The following ZFHX3 variants were observed in gnomAD, a reference collection of about 807,000 sequenced individuals.
The protein encoded by ZFHX3 is zinc finger homeobox protein 3.
ZFHX3 carries 42 observed loss-of-function variants against 279.1 expected under a neutral mutation model. The observed-to-expected ratio is 0.15, with a 90% confidence interval of 0.12 to 0.19. The LOEUF (loss-of-function observed/expected upper bound fraction) is 0.19. Ranked by LOEUF, ZFHX3 falls within the 10% of genes least tolerant of loss-of-function variation. The pLI, the probability that ZFHX3 is intolerant of heterozygous loss-of-function variation, is 1.00. For synonymous variants in ZFHX3, 2,293 were observed against 1,957.8 expected, an observed-to-expected ratio of 1.17 and a Z score of -4.52; for missense variants, 4,981 against 4,754.0, an observed-to-expected ratio of 1.05 and a Z score of -1.40.
chr16:73,176,473 T>C (rs1391584255), intron 5 of ZFHX3, among the ~76,000 whole-genome samples: 12 of 152,168 alleles, frequency 7.9e-5, no homozygotes, highest in Admixed American at 7.2e-4. Flanking sequence ...CTGAGTAACA[T>C]GAGCTAAGGA....
chr16:73,631,142 G>A (rs2052464794), intron 2 of ZFHX3, among the ~76,000 whole-genome samples: 1 of 152,188 alleles, frequency 6.6e-6, no homozygotes, highest in African/African-American at 2.4e-5. Flanking sequence ...GAAACTTGAA[G>A]TACGCTGTTA....
intron 5 of ZFHX3, among the ~76,000 whole-genome samples, chr16:73,251,801 C>G (rs923187421): frequency 7.2e-6 from 1 of 139,740 alleles, no homozygotes; most frequent in Admixed American, 7.3e-5. Context: ...CATGCACACA[C>G]GCACACACCA....
At chr16:72,813,746 T>C (rs1229229765) in intron 5 of ZFHX3, among the ~76,000 whole-genome samples, 1 of 152,212 alleles carries the variant, frequency 6.6e-6, no homozygotes, top group Non-Finnish European at 1.5e-5. Flanking sequence ...AGGTAATACA[T>C]GACGGCTGGA....
intron 3 of ZFHX3, among the ~76,000 whole-genome samples, chr16:73,383,106 C>G (rs1185460675): frequency 2.0e-5 from 3 of 152,228 alleles, no homozygotes; most frequent in African/African-American, 7.2e-5. Context: ...GAGGGGGTTG[C>G]ACTGAATAAT....
At position 73,199,959 on chromosome 16, in the gene ZFHX3, A is replaced by C. The variant is rs527925642; in HGVS notation, c.-1103-56128T>G. ...GAAAGCTGGTAACATTGGATTTATTATGATCTTTTAAAAAATTAATCACCA... is the reference window on the plus strand; with the variant it reads ...GAAAGCTGGTAACATTGGATTTATTCTGATCTTTTAAAAAATTAATCACCA... On this transcript the variant is annotated intron_variant, in intron 5 of 17. Coordinates refer to the ZFHX3 transcript ENST00000641206. 2.6e-5 allele frequency among the ~76,000 whole-genome samples: 4 copies of C among 152,368 alleles called. No individual in the cohort carries two copies. In the South Asian group the frequency reaches 8.3e-4, roughly 32 times the overall value.
intron 5 of ZFHX3, among the ~76,000 whole-genome samples, chr16:73,246,213 C>G (rs564908608): frequency 6.6e-6 from 1 of 151,998 alleles, no homozygotes; most frequent in Non-Finnish European, 1.5e-5. Flanking sequence ...AGGAGAGAGC[C>G]GAGGCATTAT....
At chr16:73,764,761 C>T (rs531812423) in intron 1 of ZFHX3, among the ~76,000 whole-genome samples, 3 of 152,302 alleles carry the variant, frequency 2.0e-5, no homozygotes, top group East Asian at 1.9e-4. Flanking sequence ...AATACTGCCA[C>T]GTAGACACAA....
chr16:72,950,626 T>A lies in ZFHX3; in HGVS notation c.3059A>T (p.Glu1020Val). 1 of 1,614,204 alleles carries A rather than the reference T, an allele frequency of 6.2e-7. No individual in the cohort carries two copies. Among genetic ancestry groups the A allele is most frequent in the East Asian group, 2.2e-5 (1 of 44,882 alleles). ...CCTCCACTCGTTGGCCTTGCCGCCC[T>A]CCTTGATGTGGGCCACCAGCTGGTA... ...QKYQLVAHIK[E>V]GGKANEWRLK... Residue 1020 changes from glutamate to valine, a missense_variant, in exon 3 of 10, where the codon GAG becomes GTG. Around this residue, in one of 7 missense-constraint regions of ZFHX3, gnomAD observed 1,751 missense variants for 1,770.0 expected, o/e 0.99. Coordinates refer to ENST00000268489, the MANE Select transcript of ZFHX3 (RefSeq NM_006885.4).
chr16:72,786,821 A>G lies in ZFHX3; in HGVS notation c.*343T>C, dbSNP rs953296737. The G allele has an allele frequency of 3.2e-5, 5 of 157,538 alleles. No individual in the cohort carries two copies. The highest frequency in any genetic ancestry group is 1.2e-4 in the African/African-American group (5 of 41,608). The allele number at this position is 157,538 out of a possible 1,614,324, so 9.8% of individuals were successfully genotyped here. On this transcript the variant is annotated 3_prime_UTR_variant, in exon 10 of 10. Coordinates refer to ENST00000268489, the MANE Select transcript of ZFHX3 (RefSeq NM_006885.4). ...CTATCAGCGTGGGGCGTTTATTGAAAAGGGGCAAATATACAAGGGGTTTAA... is the reference window on the plus strand; with the variant it reads ...CTATCAGCGTGGGGCGTTTATTGAAGAGGGGCAAATATACAAGGGGTTTAA...
intron 5 of ZFHX3, among the ~76,000 whole-genome samples, chr16:73,198,096 A>C (rs111605291): frequency 0.089 from 13,458 of 151,358 alleles, 1,906 homozygotes; most frequent in African/African-American, 0.3. Context: ...TGCTGCCATG[A>C]CCGGCTAATT....
intron 8 of ZFHX3, among the ~76,000 whole-genome samples, chr16:73,085,650 C>T (rs1415341423): frequency 2.6e-5 from 4 of 152,118 alleles, no homozygotes; most frequent in Non-Finnish European, 5.9e-5. Flanking sequence ...TAAAGCTAGA[C>T]CCCTATCTTT....
intron 3 of ZFHX3, among the ~76,000 whole-genome samples, chr16:73,435,987 C>T (rs554409862): frequency 7.9e-5 from 12 of 152,290 alleles, no homozygotes; most frequent in African/African-American, 1.9e-4. Context: ...TGTTTTAGTC[C>T]GTTTTCTCAC....
intron 5 of ZFHX3, among the ~76,000 whole-genome samples, chr16:73,168,214 T>C (rs1319496358): frequency 2.2e-5 from 2 of 92,052 alleles, no homozygotes; most frequent in African/African-American, 4.6e-5. Flanking sequence ...TCTTTTGTTT[T>C]CTTTCTTTCT....
intron 3 of ZFHX3, among the ~76,000 whole-genome samples, chr16:73,322,375 G>T (rs2015592957): frequency 6.6e-6 from 1 of 151,990 alleles, no homozygotes; most frequent in Non-Finnish European, 1.5e-5. Flanking sequence ...TGCCATAACA[G>T]AATAATAAGG....
At chr16:73,484,669 A>G (rs2018941953) in intron 2 of ZFHX3, among the ~76,000 whole-genome samples, 2 of 152,184 alleles carry the variant, frequency 1.3e-5, no homozygotes, top group African/African-American at 2.4e-5. Context: ...AAGGACCAAT[A>G]CTTCCCAAAG....
At chr16:72,946,739 G>A (rs905524192) in intron 3 of ZFHX3, among the ~76,000 whole-genome samples, 3 of 152,188 alleles carry the variant, frequency 2.0e-5, no homozygotes, top group Non-Finnish European at 4.4e-5. Context: ...GCAAGCATGT[G>A]TCAGTGACAG....
At chr16:73,573,456 T>C (rs532617962) in intron 2 of ZFHX3, among the ~76,000 whole-genome samples, 1 of 152,134 alleles carries the variant, frequency 6.6e-6, no homozygotes, top group Admixed American at 6.5e-5. Flanking sequence ...AGCAGGAGTT[T>C]TGCCTGCAAA....
intron 4 of ZFHX3, among the ~76,000 whole-genome samples, chr16:73,261,128 T>C (rs80016656): frequency 0.028 from 4,305 of 152,284 alleles, 200 homozygotes; most frequent in African/African-American, 0.099. Flanking sequence ...AACCTAAAGA[T>C]CTATTAATAG....
chr16:73,358,366 G>T (rs2016380008), intron 3 of ZFHX3, among the ~76,000 whole-genome samples: 1 of 152,234 alleles, frequency 6.6e-6, no homozygotes, highest in Non-Finnish European at 1.5e-5. Flanking sequence ...TTGCTCTGAT[G>T]TGAGCTGCAC....
Sources: allele counts gnomAD v4.1 joint callset (sites outside exome capture counted in the v4.1 genomes callset), GRCh38; gene constraint gnomAD v4.1.1; regional missense constraint gnomAD v4.1.1; transcripts MANE v1.5; gene names NCBI Gene and HGNC (gene_info 2026-07-23, HGNC 2026-07-21).